SAMMSON: variants seen among roughly 807,000 people sequenced by gnomAD.
SAMMSON encodes survival associated mitochondrial melanoma specific oncogenic non-coding RNA, also known as long intergenic non-protein coding RNA 1212.
chr3:70,243,351 G>A (rs1701678791), intron 4 of SAMMSON, among the ~76,000 whole-genome samples: 2 of 151,932 alleles, frequency 1.3e-5, no homozygotes, highest in Admixed American at 6.6e-5. Flanking sequence ...GTTGTATTTG[G>A]CTCAACTGTT....
intron 3 of SAMMSON, among the ~76,000 whole-genome samples, chr3:70,017,827 A>T (rs960168068): frequency 2.6e-5 from 4 of 152,092 alleles, no homozygotes; most frequent in African/African-American, 9.7e-5. Context: ...CCTTTTCTTC[A>T]TCTATTGAGA....
At chr3:70,427,068 A>G (rs1701376250) in intron 2 of SAMMSON, among the ~76,000 whole-genome samples, 1 of 152,246 alleles carries the variant, frequency 6.6e-6, no homozygotes, top group Non-Finnish European at 1.5e-5. Flanking sequence ...TCATTCACTC[A>G]ATCTGCCCTC....
At chr3:70,271,476 A>T (rs1184016053) in intron 6 of SAMMSON, among the ~76,000 whole-genome samples, 1 of 152,168 alleles carries the variant, frequency 6.6e-6, no homozygotes, top group Non-Finnish European at 1.5e-5. Flanking sequence ...AATTTGTATG[A>T]CAAATTTCTG....
intron 7 of SAMMSON, among the ~76,000 whole-genome samples, chr3:70,323,790 C>A (rs1375007429): frequency 2.0e-5 from 3 of 152,136 alleles, no homozygotes; most frequent in Non-Finnish European, 4.4e-5. Flanking sequence ...AGTTCATCTG[C>A]AACTGCCCAT....
chr3:70,105,004 T>G (rs1001978049), intron 4 of SAMMSON, among the ~76,000 whole-genome samples: 3 of 151,990 alleles, frequency 2.0e-5, no homozygotes, highest in Non-Finnish European at 4.4e-5. Context: ...AAATCAACAT[T>G]GGGAAAGGAA....
intron 3 of SAMMSON, among the ~76,000 whole-genome samples, chr3:70,047,264 CA>C (rs955599796): frequency 6.7e-6 from 1 of 149,604 alleles, no homozygotes; most frequent in African/African-American, 2.5e-5. Context: ...TGCACAGGAA[CA>C]AAAAAATATA....
chr3:70,126,116 T>C, intron 4 of SAMMSON: 1 of 1,260,598 alleles, frequency 7.9e-7, no homozygotes, highest in Non-Finnish European at 1.1e-6. Flanking sequence ...TTTGTTAGGA[T>C]TGTGCTGGAA....
chr3:70,344,162 A>T (rs1702732533), intron 7 of SAMMSON, among the ~76,000 whole-genome samples: 1 of 152,074 alleles, frequency 6.6e-6, no homozygotes, highest in Non-Finnish European at 1.5e-5. Context: ...CCTAAATAAG[A>T]ACAGGCATTC....
chr3:70,094,900 G>A (rs2067318120), intron 4 of SAMMSON: 1 of 152,188 alleles, frequency 6.6e-6, no homozygotes, highest in Non-Finnish European at 1.5e-5. Flanking sequence ...TACAGGCAAA[G>A]TCATAAATCA....
intron 4 of SAMMSON, among the ~76,000 whole-genome samples, chr3:70,240,629 C>T (rs1217177220): frequency 1.3e-5 from 2 of 152,012 alleles, no homozygotes; most frequent in Non-Finnish European, 2.9e-5. Context: ...ATTCCTTCAG[C>T]GTCAATTATA....
At chr3:70,267,609 G>A (rs1381533232) in intron 6 of SAMMSON, among the ~76,000 whole-genome samples, 1 of 147,562 alleles carries the variant, frequency 6.8e-6, no homozygotes, top group African/African-American at 2.5e-5. Context: ...GTAAAGACGG[G>A]GTTTCACCCT....
At chr3:70,406,952 T>G (rs1701182721) in intron 2 of SAMMSON, among the ~76,000 whole-genome samples, 1 of 152,206 alleles carries the variant, frequency 6.6e-6, no homozygotes, top group South Asian at 2.1e-4. Flanking sequence ...AAAAGAGGTT[T>G]AATTGGACTT....
intron 6 of SAMMSON, among the ~76,000 whole-genome samples, chr3:70,269,932 C>A (rs1170253806): frequency 6.6e-6 from 1 of 151,962 alleles, no homozygotes; most frequent in Non-Finnish European, 1.5e-5. Flanking sequence ...AATAAATATT[C>A]ATCTCAAGAA....
chr3:70,098,087 G>A (rs1448067112), intron 4 of SAMMSON, among the ~76,000 whole-genome samples: 1 of 152,168 alleles, frequency 6.6e-6, no homozygotes, highest in Non-Finnish European at 1.5e-5. Context: ...CTTTAAGTTT[G>A]TGCTGCTTTT....
chr3:70,107,507 G>A (rs2067371367), intron 4 of SAMMSON, among the ~76,000 whole-genome samples: 1 of 152,032 alleles, frequency 6.6e-6, no homozygotes, highest in Non-Finnish European at 1.5e-5. Flanking sequence ...CAAGAGCTGG[G>A]GAAAGGTGTT....
At chr3:70,312,000 A>G in intron 7 of SAMMSON, 1 of 397,558 alleles carries the variant, frequency 2.5e-6, no homozygotes, top group Non-Finnish European at 4.4e-6. Context: ...TTTGTGATAT[A>G]AAAAATTCAT....
At chr3:70,005,495 G>T (rs1228991523) in intron 1 of SAMMSON, among the ~76,000 whole-genome samples, 1 of 152,046 alleles carries the variant, frequency 6.6e-6, no homozygotes, top group African/African-American at 2.4e-5. Flanking sequence ...CTTTTTTAGA[G>T]CGTGGCATCT....
At chr3:70,029,200 C>T (rs954495943) in intron 3 of SAMMSON, among the ~76,000 whole-genome samples, 9 of 152,178 alleles carry the variant, frequency 5.9e-5, no homozygotes, top group African/African-American at 2.2e-4. Context: ...CAGAATAATA[C>T]ACTTAACCCG....
chr3:70,381,216 C>T (rs1484820292), intron 9 of SAMMSON, among the ~76,000 whole-genome samples: 2 of 152,130 alleles, frequency 1.3e-5, no homozygotes, highest in African/African-American at 4.8e-5. Flanking sequence ...GGAAGTAAAG[C>T]ATATTTCCTG....
Sources: allele counts gnomAD v4.1 joint callset (sites outside exome capture counted in the v4.1 genomes callset), GRCh38; gene constraint gnomAD v4.1.1; transcripts MANE v1.5; gene names NCBI Gene and HGNC (gene_info 2026-07-23, HGNC 2026-07-21).